Variants in GPHN observed in about 807,000 individuals in gnomAD.
The protein encoded by GPHN is gephyrin.
A neutral mutation model predicts 95.5 loss-of-function variants in GPHN; 17 were observed. The ratio of observed to expected loss-of-function variants is 0.18; its 90% confidence interval spans 0.12 to 0.27. The LOEUF (loss-of-function observed/expected upper bound fraction) is 0.27, where lower values mean the gene tolerates loss of function less well. Ranked by LOEUF, GPHN falls within the 10% of genes least tolerant of loss-of-function variation. The probability of loss-of-function intolerance (pLI) is 1.00; values close to 1 mark genes in which losing one functional copy is unlikely to be tolerated. For missense variants in GPHN, 660 were observed against 978.1 expected (o/e 0.67, Z 4.34); for synonymous variants, 320 against 322.5 (o/e 0.99, Z 0.08).
chr14:67,083,127 C>A (rs2076754740), intron 11 of GPHN, among the ~76,000 whole-genome samples: 1 of 152,092 alleles, frequency 6.6e-6, no homozygotes, highest in African/African-American at 2.4e-5. Context: ...ATAAAAATTG[C>A]AATTCTTTCA....
intron 1 of GPHN, among the ~76,000 whole-genome samples, chr14:66,640,870 A>G (rs1036252009): frequency 2.6e-5 from 4 of 152,148 alleles, no homozygotes; most frequent in African/African-American, 9.7e-5. Context: ...ATCTGTAGTA[A>G]AGCTTATTCT....
chr14:67,374,321 A>C, the GPHN span: 1 of 454,076 alleles, frequency 2.2e-6, no homozygotes, highest in Non-Finnish European at 4.0e-6. Flanking sequence ...CAGCCTTGTA[A>C]TACTTATGCA....
chr14:66,652,248 C>T (rs1217101218), intron 1 of GPHN, among the ~76,000 whole-genome samples: 2 of 151,966 alleles, frequency 1.3e-5, no homozygotes, highest in Admixed American at 6.6e-5. Flanking sequence ...TAGACATTTG[C>T]AAAATATTCA....
At chr14:67,434,960 T>TTC in the GPHN span, among the ~76,000 whole-genome samples, 1 of 147,684 alleles carries the variant, frequency 6.8e-6, no homozygotes, top group African/African-American at 2.6e-5. Context: ...TCTCTTCCTC[T>TTC]TCTCTCTCTC....
At chr14:67,369,922 G>C in the GPHN span, among the ~76,000 whole-genome samples, 4 of 152,206 alleles carry the variant, frequency 2.6e-5, no homozygotes, top group African/African-American at 9.7e-5. Flanking sequence ...ATATAGGGGT[G>C]TGAAGTGGGA....
chr14:66,867,624 AAT>A (rs568741729), intron 4 of GPHN, among the ~76,000 whole-genome samples: 92 of 152,286 alleles, frequency 6.0e-4, no homozygotes, highest in Admixed American at 1.5e-3. Flanking sequence ...CCTTTTTAAA[AAT>A]GTAAAATGAA....
chr14:66,640,240 G>A (rs1023458479), intron 1 of GPHN, among the ~76,000 whole-genome samples: 3 of 152,006 alleles, frequency 2.0e-5, no homozygotes, highest in African/African-American at 7.2e-5. Flanking sequence ...GGCCAACATG[G>A]TGAAACTCCA....
chr14:66,805,135 T>G (rs1285097586), intron 3 of GPHN, among the ~76,000 whole-genome samples: 1 of 152,146 alleles, frequency 6.6e-6, no homozygotes, highest in African/African-American at 2.4e-5. Context: ...ACAATCATGG[T>G]GGACAGCAAG....
chr14:67,508,765 A>AAAAAAAAAAAAAAAAC, the GPHN span, among the ~76,000 whole-genome samples: 2 of 150,592 alleles, frequency 1.3e-5, no homozygotes, highest in Non-Finnish European at 3.0e-5. Flanking sequence ...AAAAAAAAAA[A>AAAAAAAAAAAAAAAAC]AAAAAACAGA....
chr14:67,469,642 C>T, the GPHN span, among the ~76,000 whole-genome samples: 67 of 149,810 alleles, frequency 4.5e-4, 2 homozygotes, highest in Admixed American at 4.3e-3. Flanking sequence ...AAGTGGGCAG[C>T]GGCCTGGTGG....
At chr14:67,235,113 G>A in the GPHN span, among the ~76,000 whole-genome samples, 4 of 150,602 alleles carry the variant, frequency 2.7e-5, no homozygotes, top group Non-Finnish European at 5.9e-5. Flanking sequence ...CTGAGATCAC[G>A]CCACTGCATG....
the GPHN span, chr14:67,573,306 A>C: frequency 6.2e-7 from 1 of 1,613,476 alleles, no homozygotes; most frequent in Admixed American, 1.7e-5. The surrounding 1 kb of genome is among the most constrained non-coding windows in gnomAD (Gnocchi z 4.8). Context: ...CTACCTGCTG[A>C]AAATGGGGAG....
intron 2 of GPHN, among the ~76,000 whole-genome samples, chr14:66,717,332 A>G (rs1372426805): frequency 1.3e-5 from 2 of 152,016 alleles, no homozygotes; most frequent in Non-Finnish European, 1.5e-5. Context: ...AGTGTGTCGT[A>G]TGTTTCCTGA....
intron 1 of GPHN, among the ~76,000 whole-genome samples, chr14:66,607,404 G>T (rs1444495017): frequency 5.4e-5 from 8 of 149,446 alleles, no homozygotes; most frequent in Admixed American, 2.7e-4. Context: ...GTTTTTTTTT[G>T]TTTTTTTAGG....
At chr14:66,717,405 T>C (rs2070287272) in intron 2 of GPHN, among the ~76,000 whole-genome samples, 1 of 152,218 alleles carries the variant, frequency 6.6e-6, no homozygotes, top group African/African-American at 2.4e-5. Context: ...TCACTTCTTA[T>C]ATCATTTTTT....
At chr14:66,961,645 A>G (rs1431843215) in intron 8 of GPHN, among the ~76,000 whole-genome samples, 1 of 151,604 alleles carries the variant, frequency 6.6e-6, no homozygotes, top group Non-Finnish European at 1.5e-5. Context: ...TAAATGACTG[A>G]GGAATGTATG....
intron 4 of GPHN, 47 bp from the exon 5 acceptor site, chr14:66,879,891 CT>C (rs1302192414): frequency 1.7e-6 from 2 of 1,197,356 alleles, no homozygotes; most frequent in Non-Finnish European, 2.5e-6. Context: ...TGACTTCATT[CT>C]TTTTTGGCTT....
chr14:67,444,412 G>A, the GPHN span, among the ~76,000 whole-genome samples: 1 of 152,176 alleles, frequency 6.6e-6, no homozygotes, highest in Non-Finnish European at 1.5e-5. Flanking sequence ...TGCATTCAGA[G>A]CATGTTTTTC....
intron 1 of GPHN, among the ~76,000 whole-genome samples, chr14:66,569,762 G>C (rs576501583): frequency 6.6e-6 from 1 of 152,164 alleles, no homozygotes; most frequent in South Asian, 2.1e-4. Flanking sequence ...TCTAAATGGA[G>C]CTAATTAATG....
Sources: allele counts gnomAD v4.1 joint callset (sites outside exome capture counted in the v4.1 genomes callset), GRCh38; gene constraint gnomAD v4.1.1; non-coding constraint Gnocchi (gnomAD v3.1); transcripts MANE v1.5; gene names NCBI Gene and HGNC (gene_info 2026-07-23, HGNC 2026-07-21).